RUNX1: variants seen among roughly 807,000 people sequenced by gnomAD.
RUNX1 encodes the protein RUNX family transcription factor 1.
RUNX1 carries 19 observed loss-of-function variants against 42.8 expected under a neutral mutation model. The ratio of observed to expected loss-of-function variants is 0.44; its 90% confidence interval spans 0.31 to 0.65. The LOEUF (loss-of-function observed/expected upper bound fraction) is 0.65, where lower values mean the gene tolerates loss of function less well. Among genes scored for constraint, RUNX1 ranks in the 30% least tolerant of loss-of-function variants. The pLI is 0.07. For synonymous variants in RUNX1, 271 were observed against 289.4 expected (o/e 0.94, Z 0.64); for missense variants, 528 against 672.0 (o/e 0.79, Z 2.37).
In RUNX1 at chr21:34,887,751, G is replaced by A. The variant is rs75965988; in HGVS notation, c.98-655C>T. On this transcript the variant is annotated intron_variant, in intron 3 of 8. Transcript: ENST00000675419. ...ATAAAATATTTACAATACAATCTGT[G>A]GAGAATTTAAACACAACAGAAATCC... The A allele has an allele frequency of 1.2e-3, 1,303 of 1,061,082 alleles. 17 individuals carry two copies. In the African/African-American group the frequency reaches 0.02, roughly 16 times the overall value. 65.7% of individuals were successfully genotyped at this position (1,061,082 alleles called of 1,614,324 possible).
chr21:35,042,447 C>T (rs1224859066), intron 2 of RUNX1, among the ~76,000 whole-genome samples: 3 of 152,208 alleles, frequency 2.0e-5, no homozygotes. Context: ...GAGACATCTG[C>T]TCCCAGCTAC....
intron 2 of RUNX1, among the ~76,000 whole-genome samples, chr21:35,047,561 A>ACTCTCTCTCTCTCT (rs55862184): frequency 8.5e-5 from 4 of 46,810 alleles, no homozygotes; most frequent in Admixed American, 2.5e-4. Flanking sequence ...ACACACACAC[A>ACTCTCTCTCTCTCT]CTCTCTCTCT....
chr21:35,006,188 C>T (rs550971089), intron 2 of RUNX1, among the ~76,000 whole-genome samples: 2 of 152,122 alleles, frequency 1.3e-5, no homozygotes, highest in South Asian at 4.1e-4. Flanking sequence ...TTGTTGTATG[C>T]ATTGTCTTTG....
At chr21:34,898,602 G>A (rs1325938925) in intron 2 of RUNX1, among the ~76,000 whole-genome samples, 2 of 152,098 alleles carry the variant, frequency 1.3e-5, no homozygotes, top group Admixed American at 1.3e-4. Context: ...TTTTTATTGA[G>A]CCTCCTAACA....
chr21:34,991,899 T>C (rs1029213043), intron 2 of RUNX1, among the ~76,000 whole-genome samples: 4 of 152,194 alleles, frequency 2.6e-5, no homozygotes, highest in Non-Finnish European at 4.4e-5. Context: ...CCTCATATGA[T>C]GCTGGAGGCA....
intron 6 of RUNX1, 29 bp downstream of exon 6, chr21:34,859,445 G>A (rs1221707817): frequency 1.4e-6 from 2 of 1,463,848 alleles, no homozygotes; most frequent in East Asian, 4.5e-5. Flanking sequence ...AGCCTGGAGG[G>A]TGTACCAGCC....
At chr21:34,954,659 G>A (rs1234596391) in intron 2 of RUNX1, among the ~76,000 whole-genome samples, 3 of 152,110 alleles carry the variant, frequency 2.0e-5, no homozygotes, top group South Asian at 4.1e-4. Flanking sequence ...ACTTAAAGGT[G>A]TCCTATATTA....
chr21:34,875,240 C>T (rs937156706), intron 5 of RUNX1, among the ~76,000 whole-genome samples: 1 of 152,234 alleles, frequency 6.6e-6, no homozygotes, highest in African/African-American at 2.4e-5. Flanking sequence ...CAGGGAGCAA[C>T]TTGCTTTAGG....
At chr21:34,834,045 G>A (rs1601414384) in intron 7 of RUNX1, 1 of 430,124 alleles carries the variant, frequency 2.3e-6, no homozygotes, top group South Asian at 2.0e-5. Flanking sequence ...GTCTGCGTGT[G>A]TGTCTTCAAG....
chr21:34,806,414 G>A (rs1327826190), intron 7 of RUNX1, among the ~76,000 whole-genome samples: 1 of 152,182 alleles, frequency 6.6e-6, no homozygotes, highest in African/African-American at 2.4e-5. Context: ...ATGATAATGT[G>A]GGTGAATTCT....
At chr21:34,941,023 C>T (rs556361721) in intron 2 of RUNX1, among the ~76,000 whole-genome samples, 1 of 152,198 alleles carries the variant, frequency 6.6e-6, no homozygotes, top group Non-Finnish European at 1.5e-5. Flanking sequence ...CACTTCTATG[C>T]AGAGTATGGA....
rs113699952 is a variant in RUNX1 at position 34,958,369 on chromosome 21, C to A, written c.59-65406G>T. Among the ~76,000 whole-genome samples the A allele has an allele frequency of 6.6e-3, 1,009 of 152,214 alleles. 8 individuals carry two copies. The highest frequency in any genetic ancestry group is 0.018 in the African/African-American group (752 of 41,506). On this transcript the variant is annotated intron_variant, in intron 2 of 8. Coordinates refer to ENST00000675419, the MANE Select transcript of RUNX1 (RefSeq NM_001754.5). ...AATTTACAAGAAAAAAACAAACAAC[C>A]CCATCAAAAAGTGGGCAAAGGATAT...
intron 2 of RUNX1, among the ~76,000 whole-genome samples, chr21:35,047,543 ACACACACACACACACACACT>A (rs2059405967): frequency 4.6e-5 from 6 of 131,214 alleles, no homozygotes; most frequent in South Asian, 2.7e-4. Flanking sequence ...ACACACACAC[ACACACACACACACACACACT>A]CTCTCTCTCT....
intron 5 of RUNX1, among the ~76,000 whole-genome samples, chr21:34,864,624 A>G (rs1009089690): frequency 6.6e-6 from 1 of 152,182 alleles, no homozygotes; most frequent in Non-Finnish European, 1.5e-5. Context: ...GGGGGCCACC[A>G]CGGGGTCACA....
intron 6 of RUNX1, among the ~76,000 whole-genome samples, chr21:34,848,324 A>G (rs567008052): frequency 6.6e-6 from 1 of 152,370 alleles, no homozygotes; most frequent in East Asian, 1.9e-4. Context: ...CACATCCCCT[A>G]GCAAGAGAGG....
At chr21:34,861,445 GCTGA>G (rs991782501) in intron 5 of RUNX1, among the ~76,000 whole-genome samples, 8 of 152,158 alleles carry the variant, frequency 5.3e-5, no homozygotes, top group African/African-American at 1.9e-4. Flanking sequence ...ATGTTCCAGA[GCTGA>G]CTAACAGATT....
intron 2 of RUNX1, among the ~76,000 whole-genome samples, chr21:35,022,151 T>C (rs1297699902): frequency 6.6e-6 from 1 of 152,112 alleles, no homozygotes; most frequent in Admixed American, 6.5e-5. Flanking sequence ...TAGACAATAG[T>C]CTTGAAGGAG....
intron 2 of RUNX1, among the ~76,000 whole-genome samples, chr21:34,953,144 T>A (rs906798627): frequency 6.6e-6 from 1 of 151,852 alleles, no homozygotes; most frequent in African/African-American, 2.4e-5. Flanking sequence ...TTTTTTTAAA[T>A]CTACGTTTTA....
chr21:34,876,431 C>T (rs750561747), intron 5 of RUNX1, among the ~76,000 whole-genome samples: 245 of 152,316 alleles, frequency 1.6e-3, no homozygotes, highest in Non-Finnish European at 2.9e-3. Flanking sequence ...AGCTGGCCCT[C>T]CATGATCAAT....
Sources: gnomAD v4.1 joint callset for allele counts (sites outside exome capture counted in the v4.1 genomes callset) on GRCh38, gnomAD v4.1.1 for gene constraint, MANE v1.5 for transcripts, NCBI Gene and HGNC (gene_info 2026-07-23, HGNC 2026-07-21) for gene names.